Variants in TEC observed in about 807,000 individuals in gnomAD.
TEC encodes the protein tec protein tyrosine kinase, also known as tyrosine-protein kinase Tec.
Under a neutral mutation model 93.0 loss-of-function variants are expected in TEC, and 72 were observed. The observed-to-expected ratio is 0.77, with a 90% confidence interval of 0.64 to 0.94. TEC has a LOEUF of 0.94. TEC is among the 40% of genes least tolerant of loss of function. The probability of loss-of-function intolerance (pLI) is 0.00; values close to 1 mark genes in which losing one functional copy is unlikely to be tolerated. For synonymous variants in TEC, 249 were observed against 247.7 expected (o/e 1.01, Z -0.05); for missense variants, 630 against 757.9 (o/e 0.83, Z 1.98).
rs1407593599 is a variant in TEC, at chr4:48,269,635, C to G, written c.-46+117G>C. On this transcript the variant is annotated intron_variant, in intron 1 of 17. Coordinates refer to ENST00000381501, the MANE Select transcript of TEC (RefSeq NM_003215.3). The stretch of plus-strand genomic sequence containing the variant: ...GCACGGAGGGGAGAAAATCCTTCCC[C>G]GTTCCTCGAGGGGCGTGTGGAAGCC... The G allele has an allele frequency of 3.9e-5, 6 of 152,402 alleles. 1 individual carries two copies. In the East Asian group the frequency reaches 7.7e-4, roughly 20 times the overall value. The allele number at this position is 152,402 out of a possible 1,614,324, so 9.4% of individuals were successfully genotyped here. A position where few individuals can be genotyped will look rare whatever the true frequency, so the allele number is the denominator to read the frequency against.
In TEC at chr4:48,163,779, A is replaced by C. The variant is rs989868340; in HGVS notation, c.672-12T>G. The C allele has an allele frequency of 7.1e-7, 1 of 1,413,840 alleles. No homozygotes were observed. The highest frequency in any genetic ancestry group is 9.6e-7 in the Non-Finnish European group (1 of 1,038,704). The allele number at this position is 1,413,840 out of a possible 1,614,324, so 87.6% of individuals were successfully genotyped here. On this transcript the variant is annotated splice_polypyrimidine_tract_variant and intron_variant, in intron 7 of 17. Transcript: ENST00000381501. ...TATATCCTTCATTCCTAGAAATAAG[A>C]AAAATACTTTAGGTAAACTTACTTT...
chr4:48,171,889 C>T (rs1344503161), intron 3 of TEC, among the ~76,000 whole-genome samples: 1 of 152,222 alleles, frequency 6.6e-6, no homozygotes, highest in Non-Finnish European at 1.5e-5. Context: ...GTGCTGTGTG[C>T]TTTACAGACC....
intron 1 of TEC, among the ~76,000 whole-genome samples, chr4:48,264,827 G>A (rs1270576547): frequency 1.3e-5 from 2 of 151,800 alleles, no homozygotes; most frequent in African/African-American, 4.8e-5. Context: ...TAGTAGAGAC[G>A]AGGGTTTCAC....
chr4:48,203,247 C>T (rs1722590826), intron 2 of TEC, among the ~76,000 whole-genome samples: 1 of 152,122 alleles, frequency 6.6e-6, no homozygotes, highest in African/African-American at 2.4e-5. Context: ...CACCTGTAAT[C>T]CCAGCTACTG....
At chr4:48,173,276 T>C (rs1364550869) in intron 3 of TEC, among the ~76,000 whole-genome samples, 3 of 152,222 alleles carry the variant, frequency 2.0e-5, no homozygotes, top group Non-Finnish European at 4.4e-5. Flanking sequence ...TCCTTAAAGT[T>C]TGTTAGACTA....
At chr4:48,179,366 ATATATATATATTTT>A (rs1446683234) in intron 2 of TEC, among the ~76,000 whole-genome samples, 7 of 37,090 alleles carry the variant, frequency 1.9e-4, no homozygotes, top group South Asian at 1.8e-3. Flanking sequence ...ATATATATAT[ATATATATATATTTT>A]TTTTTTTTTT....
At chr4:48,236,184 T>C (rs868252909) in intron 1 of TEC, among the ~76,000 whole-genome samples, 3 of 152,012 alleles carry the variant, frequency 2.0e-5, no homozygotes, top group Non-Finnish European at 2.9e-5. Context: ...AGAAAGAAAA[T>C]AATAGGTTTG....
chr4:48,144,981 G>T, intron 14 of TEC, 98 bp downstream of exon 14: 1 of 1,054,136 alleles, frequency 9.5e-7, no homozygotes, highest in Non-Finnish European at 1.4e-6. Flanking sequence ...AGATTGTTAA[G>T]AACAAAAATT....
chr4:48,146,508 C>T (rs897460760), intron 11 of TEC, 109 bp from the exon 12 acceptor site: 39 of 950,132 alleles, frequency 4.1e-5, no homozygotes, highest in Non-Finnish European at 5.2e-5. Flanking sequence ...ATTTACTGCT[C>T]ATCCTCTGTG....
chr4:48,138,078 G>A (rs1719506460), intron 17 of TEC, among the ~76,000 whole-genome samples: 1 of 152,214 alleles, frequency 6.6e-6, no homozygotes, highest in South Asian at 2.1e-4. Context: ...CCCCAGGCAA[G>A]CAGCAACCTC....
chr4:48,201,087 C>G (rs1053062805), intron 2 of TEC, among the ~76,000 whole-genome samples: 45 of 152,166 alleles, frequency 3.0e-4, no homozygotes, highest in African/African-American at 1.1e-3. Context: ...GGTGGTGGCA[C>G]AGATGGGAGG....
chr4:48,162,178 T>TG (rs1036034533), intron 8 of TEC, among the ~76,000 whole-genome samples: 4 of 152,162 alleles, frequency 2.6e-5, no homozygotes, highest in Non-Finnish European at 5.9e-5. Flanking sequence ...CCTGCCCACA[T>TG]GGGAACAGGT....
Position 48,149,730 on chromosome 4 carries a change from T to C in TEC, c.873-40A>G, listed in dbSNP as rs751987775. 5 of 1,561,696 alleles carry C rather than the reference T, an allele frequency of 3.2e-6. No individual in the cohort carries two copies. The East Asian group carries it at 9.4e-5, about 29-fold the overall frequency. On this transcript the variant is annotated intron_variant, in intron 10 of 17. Transcript: ENST00000381501. Reference sequence around the variant, plus strand: ...AAAATGTGTCAGAACCAAGTTGAAATAATAGAACTTCATTCTTAAGATGTT... The same window carrying C: ...AAAATGTGTCAGAACCAAGTTGAAACAATAGAACTTCATTCTTAAGATGTT...
chr4:48,234,842 A>G (rs2704407), intron 1 of TEC, among the ~76,000 whole-genome samples: 52,802 of 151,966 alleles, frequency 0.35, 10,289 homozygotes, highest in African/African-American at 0.53. Context: ...AGAGGAGAAG[A>G]AGGAGGAAAC....
intron 2 of TEC, among the ~76,000 whole-genome samples, chr4:48,182,773 C>T (rs771538338): frequency 6.6e-6 from 1 of 152,118 alleles, no homozygotes; most frequent in Non-Finnish European, 1.5e-5. Flanking sequence ...CACTGTTTTC[C>T]TTTAATTTCC....
intron 2 of TEC, among the ~76,000 whole-genome samples, chr4:48,212,111 A>AAAATT (rs397951453): frequency 4.9e-5 from 5 of 101,694 alleles, no homozygotes; most frequent in Non-Finnish European, 1.0e-4. Context: ...AAAAAAAAAA[A>AAAATT]TATATATATA....
intron 2 of TEC, among the ~76,000 whole-genome samples, chr4:48,187,240 G>C (rs375547792): frequency 6.6e-6 from 1 of 152,208 alleles, no homozygotes; most frequent in East Asian, 1.9e-4. Context: ...CAGCATGCTC[G>C]TTAAGAGTCA....
At chr4:48,232,417 C>T (rs1577660669) in intron 1 of TEC, among the ~76,000 whole-genome samples, 1 of 152,178 alleles carries the variant, frequency 6.6e-6, no homozygotes, top group African/African-American at 2.4e-5. Context: ...CCTCAAGAAA[C>T]TGAAGTTCAG....
At chr4:48,217,735 G>A (rs1198776800) in intron 2 of TEC, among the ~76,000 whole-genome samples, 1 of 151,712 alleles carries the variant, frequency 6.6e-6, no homozygotes, top group African/African-American at 2.4e-5. Flanking sequence ...CCTGGACTTG[G>A]GGCTGGAGGG....
Sources: allele counts gnomAD v4.1 joint callset (sites outside exome capture counted in the v4.1 genomes callset), GRCh38; gene constraint gnomAD v4.1.1; transcripts MANE v1.5; gene names NCBI Gene and HGNC (gene_info 2026-07-23, HGNC 2026-07-21).